The following ARID3A variants were observed in gnomAD, a reference collection of about 807,000 sequenced individuals.
ARID3A encodes the protein AT-rich interaction domain 3A.
Under a neutral mutation model 52.7 loss-of-function variants are expected in ARID3A, and 11 were observed. The observed-to-expected ratio is 0.21, with a 90% CI of 0.13 to 0.35. ARID3A has a LOEUF of 0.35. Ranked by LOEUF, ARID3A falls within the 10% of genes least tolerant of loss-of-function variation. The probability of loss-of-function intolerance (pLI) is 1.00; values close to 1 mark genes in which losing one functional copy is unlikely to be tolerated. For synonymous variants in ARID3A, 404 were observed against 359.4 expected (o/e 1.12, Z -1.40); for missense variants, 721 against 838.5 (o/e 0.86, Z 1.73).
rs865909266 is a variant in ARID3A, at chr19:929,725, G to A, written c.197G>A (p.Arg66Gln). The A allele has an allele frequency of 7.0e-6, 11 of 1,561,540 alleles. No individual in the cohort carries two copies. The highest frequency in any genetic ancestry group is 1.9e-5 in the Admixed American group (1 of 53,794). The change falls in exon 2 of 9, where the codon CGG becomes CAG. Residue 66 changes from arginine to glutamine, a missense_variant. By Grantham distance (43) the Arg-to-Gln change is conservative. Coordinates refer to ENST00000263620, the MANE Select transcript of ARID3A (RefSeq NM_005224.3). The surrounding 1 kb of genome is among the most constrained non-coding windows in gnomAD (Gnocchi z 6.2). ...CAGATGGCCGCACTGGCAGCCATGC[G>A]GGCTGCAGCTGCGGGCCTGGGACAC... ...RAQMAALAAMRAAAAGLGHPA... is the reference protein window; with the variant it reads ...RAQMAALAAMQAAAAGLGHPA...
At chr19:927,202 A>T (rs1016705705) in intron 1 of ARID3A, among the ~76,000 whole-genome samples, 1 of 151,364 alleles carries the variant, frequency 6.6e-6, no homozygotes, top group South Asian at 2.1e-4. Flanking sequence ...GTGGCCCAGG[A>T]TCCCTCCGCC....
At chr19:935,665 TG>T (rs1438366168) in intron 3 of ARID3A, among the ~76,000 whole-genome samples, 2 of 151,880 alleles carry the variant, frequency 1.3e-5, no homozygotes, top group East Asian at 3.9e-4. Context: ...GACGGGGTCT[TG>T]CTATGTTGCC....
At position 974,102 on chromosome 19, in the gene ARID3A, C is replaced by G. The variant is rs1371133643; in HGVS notation, c.*2037C>G. ...AGGAAGGGGACTCCCCAGCTCCCCC[C>G]ACTCCCAACCACCTCCCCATTGCCT... On this transcript the variant is annotated 3_prime_UTR_variant, in exon 9 of 9. Coordinates refer to ENST00000263620, the MANE Select transcript of ARID3A (RefSeq NM_005224.3). The G allele has an allele frequency of 1.8e-5, 4 of 226,582 alleles. No homozygotes were observed. Among genetic ancestry groups the G allele is most frequent in the Middle Eastern group, 1.3e-3 (1 of 770 alleles). 14.0% of individuals were successfully genotyped at this position (226,582 alleles called of 1,614,324 possible).
chr19:965,675 C>A (rs754955090), intron 6 of ARID3A, among the ~76,000 whole-genome samples: 1 of 152,038 alleles, frequency 6.6e-6, no homozygotes, highest in Non-Finnish European at 1.5e-5. Flanking sequence ...GCCTGAGCAA[C>A]AGTAGTGAGA....
intron 4 of ARID3A, among the ~76,000 whole-genome samples, chr19:963,945 C>T (rs2038094092): frequency 6.6e-6 from 1 of 152,182 alleles, no homozygotes; most frequent in South Asian, 2.1e-4. Context: ...AACAAAGATC[C>T]GGGCGTCTCC....
intron 2 of ARID3A, among the ~76,000 whole-genome samples, chr19:931,428 G>A (rs1051234911): frequency 1.3e-4 from 19 of 144,284 alleles, no homozygotes; most frequent in African/African-American, 4.7e-4. Context: ...CTCCAGCCTG[G>A]GCAACAAAGT....
intron 3 of ARID3A, among the ~76,000 whole-genome samples, chr19:943,039 CG>C (rs1184680439): frequency 6.6e-6 from 1 of 152,082 alleles, no homozygotes; most frequent in Non-Finnish European, 1.5e-5. Flanking sequence ...AAGGCCAAGA[CG>C]GGAGTTTCGC....
intron 2 of ARID3A, among the ~76,000 whole-genome samples, chr19:932,206 G>A (rs537207345): frequency 9.9e-5 from 15 of 152,242 alleles, no homozygotes; most frequent in African/African-American, 3.6e-4. Flanking sequence ...CTGTAGGGAC[G>A]GCTTGTGCTG....
chr19:943,425 G>A (rs889548525), intron 3 of ARID3A, among the ~76,000 whole-genome samples: 2 of 151,972 alleles, frequency 1.3e-5, no homozygotes, highest in Non-Finnish European at 2.9e-5. Context: ...AAAATTAGCC[G>A]GGCGTGGTGG....
intron 3 of ARID3A, 77 bp downstream of exon 3, chr19:932,819 A>C: frequency 6.5e-7 from 1 of 1,537,482 alleles, no homozygotes. Context: ...CCCACGTTGC[A>C]CGGGGTGTGT....
chr19:968,079 G>A (rs192559103), intron 7 of ARID3A, among the ~76,000 whole-genome samples: 24 of 143,490 alleles, frequency 1.7e-4, no homozygotes, highest in African/African-American at 5.7e-4. Context: ...TCATTTGTTC[G>A]GCTGGGCACA....
chr19:967,492 G>A (rs368331703), intron 7 of ARID3A, among the ~76,000 whole-genome samples: 31 of 152,312 alleles, frequency 2.0e-4, no homozygotes, highest in East Asian at 1.4e-3. Context: ...CCAGGAAGTC[G>A]AGGCTGCAGT....
At chr19:933,703 G>A (rs1363796877) in intron 3 of ARID3A, among the ~76,000 whole-genome samples, 1 of 152,172 alleles carries the variant, frequency 6.6e-6, no homozygotes, top group Non-Finnish European at 1.5e-5. Context: ...GACTCCAGGG[G>A]TGCCGGGTAG....
In ARID3A at chr19:973,236, C is replaced by T. The variant is rs971899965; in HGVS notation, c.*1171C>T. The T allele has an allele frequency of 7.5e-5, 13 of 173,508 alleles. No homozygotes were observed. Among genetic ancestry groups the T allele is most frequent in the Admixed American group, 1.3e-4 (2 of 15,580 alleles). 10.7% of individuals were successfully genotyped at this position (173,508 alleles called of 1,614,324 possible). On this transcript the variant is annotated 3_prime_UTR_variant, in exon 9 of 9. Transcript: ENST00000263620. ...CAAGCGATTCTCCTGCCTCAGCCTC[C>T]GGAGTAGCTGGGATTACAGGCGCCC...
intron 3 of ARID3A, among the ~76,000 whole-genome samples, chr19:953,197 T>C (rs545174760): frequency 7.9e-5 from 12 of 152,010 alleles, no homozygotes; most frequent in Non-Finnish European, 1.6e-4. Context: ...GGGACTTATC[T>C]TGCACCCTGT....
chr19:952,223 T>A (rs562738380), intron 3 of ARID3A, among the ~76,000 whole-genome samples: 1 of 151,436 alleles, frequency 6.6e-6, no homozygotes, highest in Non-Finnish European at 1.5e-5. Context: ...GGAGGGAGGA[T>A]CACTTGAGCC....
intron 3 of ARID3A, among the ~76,000 whole-genome samples, chr19:955,817 G>T (rs1355665168): frequency 6.6e-6 from 1 of 152,196 alleles, no homozygotes; most frequent in African/African-American, 2.4e-5. Flanking sequence ...TCTACGTGCG[G>T]TTCTTAGCCG....
At chr19:937,813 TCTCCTGC>T in intron 3 of ARID3A, among the ~76,000 whole-genome samples, 1 of 150,420 alleles carries the variant, frequency 6.6e-6, no homozygotes, top group Admixed American at 6.7e-5. Flanking sequence ...TTCACGCCAT[TCTCCTGC>T]CTCAGCCTCC....
Position 959,702 on chromosome 19 carries a change from G to C in ARID3A, c.694-390G>C, listed in dbSNP as rs2037998657. ...AGGTGGCCCTAAAACCAGCAGGCTG[G>C]TGTCCTGAGAAGAGGAGAGAGAGAC... On this transcript the variant is annotated intron_variant, in intron 3 of 8. Transcript: ENST00000263620. The surrounding 1 kb of genome is among the most constrained non-coding windows in gnomAD (Gnocchi z 5.0). Among the ~76,000 whole-genome samples, 1 of 152,108 alleles carries C rather than the reference G, an allele frequency of 6.6e-6. No individual in the cohort carries two copies. The highest frequency in any genetic ancestry group is 3.2e-3 in the Middle Eastern group (1 of 316).
Sources: gnomAD v4.1 joint callset for allele counts (sites outside exome capture counted in the v4.1 genomes callset) on GRCh38, gnomAD v4.1.1 for gene constraint, Gnocchi (gnomAD v3.1) non-coding constraint, MANE v1.5 for transcripts, NCBI Gene and HGNC (gene_info 2026-07-23, HGNC 2026-07-21) for gene names.